The following DCC variants were observed in gnomAD, a reference collection of about 807,000 sequenced individuals.
The protein encoded by DCC is DCC netrin 1 receptor, also known as netrin receptor DCC.
A neutral mutation model predicts 172.5 loss-of-function variants in DCC; 58 were observed. That is an observed-to-expected ratio of 0.34 (90% CI 0.27 to 0.42). The LOEUF (loss-of-function observed/expected upper bound fraction) is 0.42, where lower values mean the gene tolerates loss of function less well. Among genes scored for constraint, DCC ranks in the 10% least tolerant of loss-of-function variants. DCC has a pLI of 1.00. For missense variants in DCC, 1,740 were observed against 1,791.0 expected, an observed-to-expected ratio of 0.97 and a Z score of 0.51; for synonymous variants, 709 against 644.5, an observed-to-expected ratio of 1.10 and a Z score of -1.52.
At chr18:52,429,125 TA>T (rs1987537907) in intron 1 of DCC, among the ~76,000 whole-genome samples, 1 of 152,138 alleles carries the variant, frequency 6.6e-6, no homozygotes, top group African/African-American at 2.4e-5. Flanking sequence ...CTGATGTCCA[TA>T]ACTGTCTTTG....
chr18:53,105,492 G>A (rs147819072), intron 7 of DCC, among the ~76,000 whole-genome samples: 19 of 152,072 alleles, frequency 1.2e-4, no homozygotes, highest in African/African-American at 4.3e-4. Flanking sequence ...GAAATGATGT[G>A]TATTTTTATT....
intron 7 of DCC, among the ~76,000 whole-genome samples, chr18:53,144,183 A>G (rs2043871696): frequency 6.6e-6 from 1 of 152,214 alleles, no homozygotes; most frequent in African/African-American, 2.4e-5. Context: ...TCAGATTGTC[A>G]TTCATATTTC....
intron 2 of DCC, among the ~76,000 whole-genome samples, chr18:52,841,184 C>T (rs951874486): frequency 1.3e-5 from 2 of 151,952 alleles, no homozygotes; most frequent in Non-Finnish European, 2.9e-5. Flanking sequence ...GTTGCAAATG[C>T]CTTCAGCCAG....
chr18:53,225,808 G>A (rs2056017883), intron 12 of DCC, among the ~76,000 whole-genome samples: 1 of 152,158 alleles, frequency 6.6e-6, no homozygotes, highest in South Asian at 2.1e-4. Context: ...TCTCCCCATG[G>A]TTGATTGCTC....
At chr18:53,100,927 G>A (rs2043163397) in intron 7 of DCC, among the ~76,000 whole-genome samples, 1 of 151,706 alleles carries the variant, frequency 6.6e-6, no homozygotes, top group African/African-American at 2.4e-5. Context: ...ATATTTTGGA[G>A]ATTCAATTTT....
intron 5 of DCC, among the ~76,000 whole-genome samples, chr18:53,046,832 G>C (rs1036015477): frequency 5.9e-5 from 9 of 151,806 alleles, no homozygotes; most frequent in Non-Finnish European, 1.3e-4. Flanking sequence ...ATAGGAAACC[G>C]AAATCCAGGA....
intron 1 of DCC, among the ~76,000 whole-genome samples, chr18:52,451,802 T>A (rs562438949): frequency 6.6e-6 from 1 of 152,194 alleles, no homozygotes; most frequent in African/African-American, 2.4e-5. Flanking sequence ...GTCCCTGGTG[T>A]CTTGGTTTAT....
intron 27 of DCC, among the ~76,000 whole-genome samples, chr18:53,525,885 T>C (rs2046449153): frequency 6.6e-6 from 1 of 152,118 alleles, no homozygotes; most frequent in African/African-American, 2.4e-5. Flanking sequence ...AGTTTTATTT[T>C]CAGCTATAAG....
intron 2 of DCC, among the ~76,000 whole-genome samples, chr18:52,883,348 TTATGTGTG>T (rs1418211881): frequency 0.02 from 2,112 of 106,242 alleles, 51 homozygotes; most frequent in African/African-American, 0.053. Flanking sequence ...ATTTATTTAT[TTATGTGTG>T]TGTGTGTGTG....
chr18:53,456,890 G>A (rs972547984), intron 23 of DCC, among the ~76,000 whole-genome samples: 1 of 152,186 alleles, frequency 6.6e-6, no homozygotes, highest in African/African-American at 2.4e-5. Context: ...ACAAATTTCA[G>A]ACAATTTAAT....
intron 2 of DCC, among the ~76,000 whole-genome samples, chr18:52,801,212 G>A (rs1273925426): frequency 6.6e-6 from 1 of 152,200 alleles, no homozygotes; most frequent in African/African-American, 2.4e-5. Context: ...TATGATGAGA[G>A]TGGAAGAGGT....
intron 7 of DCC, among the ~76,000 whole-genome samples, chr18:53,134,937 G>A (rs1322533831): frequency 6.6e-6 from 1 of 152,086 alleles, no homozygotes. Flanking sequence ...TACCAATATT[G>A]TAACTGTTGT....
At chr18:52,930,815 C>A (rs1012077466) in intron 5 of DCC, among the ~76,000 whole-genome samples, 2 of 152,034 alleles carry the variant, frequency 1.3e-5, no homozygotes, top group African/African-American at 4.8e-5. Flanking sequence ...TGCATTTTTA[C>A]ATTTTGCATA....
intron 22 of DCC, among the ~76,000 whole-genome samples, chr18:53,437,414 A>G (rs1912012453): frequency 6.6e-6 from 1 of 151,798 alleles, no homozygotes; most frequent in South Asian, 2.1e-4. Context: ...CCCTGTCTCT[A>G]CTAAAAACAC....
At chr18:53,488,165 A>C (rs2045922864) in intron 26 of DCC, among the ~76,000 whole-genome samples, 1 of 152,230 alleles carries the variant, frequency 6.6e-6, no homozygotes, top group Non-Finnish European at 1.5e-5. Flanking sequence ...TGGGCAGATC[A>C]CTTGAGGTCA....
chr18:52,725,538 A>C (rs2036538664), intron 1 of DCC, among the ~76,000 whole-genome samples: 1 of 152,190 alleles, frequency 6.6e-6, no homozygotes, highest in African/African-American at 2.4e-5. Flanking sequence ...GCAGTGTGTG[A>C]TAGGCAGTGG....
intron 9 of DCC, among the ~76,000 whole-genome samples, chr18:53,191,915 C>T (rs1050821217): frequency 5.3e-5 from 8 of 152,050 alleles, no homozygotes; most frequent in African/African-American, 1.9e-4. Context: ...CCAGGGTTCC[C>T]GTATTCAGTT....
intron 2 of DCC, among the ~76,000 whole-genome samples, chr18:52,900,502 C>A (rs538810496): frequency 6.6e-6 from 1 of 152,126 alleles, no homozygotes; most frequent in Non-Finnish European, 1.5e-5. Flanking sequence ...GAATTGTTGA[C>A]ATCAATATAA....
intron 2 of DCC, among the ~76,000 whole-genome samples, chr18:52,837,000 G>C (rs1434086502): frequency 2.0e-5 from 3 of 152,182 alleles, no homozygotes; most frequent in African/African-American, 7.2e-5. Context: ...GCACCCACTG[G>C]CTCAACAACA....
Sources: allele counts gnomAD v4.1 joint callset (sites outside exome capture counted in the v4.1 genomes callset), GRCh38; gene constraint gnomAD v4.1.1; transcripts MANE v1.5; gene names NCBI Gene and HGNC (gene_info 2026-07-23, HGNC 2026-07-21).